EML5: variants seen among roughly 807,000 people sequenced by gnomAD.
The protein encoded by EML5 is echinoderm microtubule-associated protein-like 5.
Under a neutral mutation model 250.0 loss-of-function variants are expected in EML5, and 120 were observed. The observed-to-expected ratio is 0.48, with a 90% confidence interval of 0.41 to 0.56. The LOEUF (loss-of-function observed/expected upper bound fraction) is 0.56, where lower values mean the gene tolerates loss of function less well. Ranked by LOEUF, EML5 falls within the 20% of genes least tolerant of loss-of-function variation. EML5 has a pLI of 0.00. For synonymous variants in EML5, 771 were observed against 806.5 expected, an observed-to-expected ratio of 0.96 and a Z score of 0.75; for missense variants, 2,006 against 2,437.6, an observed-to-expected ratio of 0.82 and a Z score of 3.73.
Position 88,661,817 on chromosome 14 carries a change from G to C in EML5, c.3512C>G (p.Ala1171Gly), listed in dbSNP as rs200380112. 6.6e-5 allele frequency: 106 copies of C among 1,606,526 alleles called. No individual in the cohort carries two copies. Among genetic ancestry groups the C allele is most frequent in the South Asian group, 1.3e-4 (12 of 89,342 alleles). The stretch of plus-strand genomic sequence containing the variant: ...AAGTACACTTGTCCATGATGCCCAA[G>C]CAATTTTTTCTACCTAAAAATGAAA... ...TIPSVEVEKI[A>G]WASWTSVLGL... is the part of the protein sequence containing the mutation. The change falls in exon 25 of 44, where the codon GCT becomes GGT. Residue 1171 changes from alanine (A) to glycine (G), a missense_variant. Around this residue, in one of 7 missense-constraint regions of EML5, gnomAD observed 1,375 missense variants for 1,590.3 expected, o/e 0.86. Transcript: ENST00000554922.
intron 1 of EML5, among the ~76,000 whole-genome samples, chr14:88,782,599 G>A (rs1291484820): frequency 6.6e-6 from 1 of 152,128 alleles, no homozygotes; most frequent in Non-Finnish European, 1.5e-5. Context: ...ATACAGCCTA[G>A]AGACTTGGTG....
At chr14:88,689,401 C>T (rs1047968698) in intron 17 of EML5, among the ~76,000 whole-genome samples, 1 of 152,194 alleles carries the variant, frequency 6.6e-6, no homozygotes, top group East Asian at 1.9e-4. Context: ...TGTTGTCACA[C>T]TAGGGAATAC....
chr14:88,647,432 C>T (rs1263172550), intron 28 of EML5, among the ~76,000 whole-genome samples: 5 of 151,578 alleles, frequency 3.3e-5, no homozygotes, highest in South Asian at 4.2e-4. Flanking sequence ...CACAGTGGCT[C>T]ACACCTGTAA....
intron 24 of EML5, among the ~76,000 whole-genome samples, chr14:88,662,339 G>GTT (rs71127000): frequency 0.12 from 6,863 of 55,508 alleles, 903 homozygotes; most frequent in East Asian, 0.23. Context: ...AATTTTTCTT[G>GTT]TTTTTTTTTT....
intron 18 of EML5, among the ~76,000 whole-genome samples, chr14:88,687,805 C>A (rs868436499): frequency 6.6e-6 from 1 of 152,020 alleles, no homozygotes; most frequent in Non-Finnish European, 1.5e-5. Context: ...CTGGCTGGCA[C>A]CATGGCTCAT....
chr14:88,779,720 T>C (rs1465566908), intron 1 of EML5, among the ~76,000 whole-genome samples: 3 of 152,192 alleles, frequency 2.0e-5, no homozygotes, highest in South Asian at 2.1e-4. Context: ...CATTAATCCT[T>C]AGTTTTTATC....
chr14:88,777,703 A>T lies in EML5; in HGVS notation c.197+14604T>A, dbSNP rs189592553. The stretch of plus-strand genomic sequence containing the variant: ...TAAAAAGCAGGAGGATGGGCCGGGC[A>T]CAGTGGCTCATGCCTGTAATCCCGG... On this transcript the variant is annotated intron_variant, in intron 1 of 43. Coordinates refer to ENST00000554922, the MANE Select transcript of EML5 (RefSeq NM_183387.3). Among the ~76,000 whole-genome samples the T allele has an allele frequency of 3.5e-4, 54 of 152,370 alleles. 1 individual carries two copies. The East Asian group carries it at 9.8e-3, about 28-fold the overall frequency.
chr14:88,647,955 C>T lies in EML5; in HGVS notation c.4020-1000G>A, dbSNP rs543308622. Among the ~76,000 whole-genome samples the T allele has an allele frequency of 2.6e-5, 4 of 152,264 alleles. No homozygotes were observed. The South Asian group carries it at 8.3e-4, about 32-fold the overall frequency. The stretch of plus-strand genomic sequence containing the variant: ...CTGGAGATACTTCAAAGGAAATTGT[C>T]TAAAGAGCCTAAGTTCCACCTGTTC... On this transcript the variant is annotated intron_variant, in intron 28 of 43. Coordinates refer to ENST00000554922, the MANE Select transcript of EML5 (RefSeq NM_183387.3).
At chr14:88,675,448 T>G (rs2092571815) in intron 21 of EML5, among the ~76,000 whole-genome samples, 1 of 152,220 alleles carries the variant, frequency 6.6e-6, no homozygotes, top group African/African-American at 2.4e-5. Flanking sequence ...CTTTGGCCCC[T>G]TTTAGCTATG....
At chr14:88,730,835 G>GA (rs2093744599) in intron 7 of EML5, among the ~76,000 whole-genome samples, 3 of 152,156 alleles carry the variant, frequency 2.0e-5, no homozygotes, top group African/African-American at 7.2e-5. Flanking sequence ...AGTATGTATA[G>GA]AAAAAATGGC....
At position 88,740,384 on chromosome 14, in the gene EML5, T is replaced by TA; in HGVS notation, c.711+2dup. On this transcript the variant is annotated splice_region_variant and intron_variant, in intron 5 of 43. Transcript: ENST00000554922. ...AGTGTTTAAAATACTTAAATGTACT[T>TA]ACAGCATGGGCTCCTTGTATTGTTC... 2 of 1,604,592 alleles carry TA rather than the reference T, an allele frequency of 1.2e-6. No individual in the cohort carries two copies.
At chr14:88,665,229 AAAGTT>A (rs1001890508) in intron 22 of EML5, 103 bp downstream of exon 22, 17 of 1,261,808 alleles carry the variant, frequency 1.3e-5, no homozygotes, top group African/African-American at 3.0e-5. Flanking sequence ...TTCTAGTAAA[AAAGTT>A]AAGTTCTGAG....
chr14:88,711,435 G>A (rs1595617520), intron 10 of EML5, among the ~76,000 whole-genome samples: 1 of 89,670 alleles, frequency 1.1e-5, no homozygotes, highest in South Asian at 3.7e-4. Flanking sequence ...AAGGTGAAGG[G>A]GAAGCAAGGC....
At chr14:88,778,116 TCAAAC>T (rs1459468542) in intron 1 of EML5, among the ~76,000 whole-genome samples, 3 of 151,626 alleles carry the variant, frequency 2.0e-5, no homozygotes, top group African/African-American at 7.3e-5. Flanking sequence ...CATGGTAACC[TCAAAC>T]CAAAAGACAT....
Position 88,770,339 on chromosome 14 carries a change from G to A in EML5, c.198-15668C>T, listed in dbSNP as rs570012906. Among the ~76,000 whole-genome samples, 4 of 152,044 alleles carry A rather than the reference G, an allele frequency of 2.6e-5. No individual in the cohort carries two copies. The South Asian group carries it at 8.3e-4, about 32-fold the overall frequency. The stretch of plus-strand genomic sequence containing the variant: ...ATGCTTTTTGTGTTCTATTTCCTAT[G>A]CTTTTTCTAGAAATTTTATAGTTTT... On this transcript the variant is annotated intron_variant, in intron 1 of 43. Coordinates refer to ENST00000554922, the MANE Select transcript of EML5 (RefSeq NM_183387.3).
At chr14:88,631,996 C>A (rs534272275) in intron 33 of EML5, among the ~76,000 whole-genome samples, 117 of 152,264 alleles carry the variant, frequency 7.7e-4, no homozygotes, top group African/African-American at 2.8e-3. Flanking sequence ...CCTTATTTTT[C>A]CATCCCCAAA....
chr14:88,789,217 TAC>T (rs1441947316), intron 1 of EML5, among the ~76,000 whole-genome samples: 1 of 152,112 alleles, frequency 6.6e-6, no homozygotes, highest in African/African-American at 2.4e-5. Flanking sequence ...TTTTTATAGA[TAC>T]AGATTTTATA....
intron 32 of EML5, among the ~76,000 whole-genome samples, chr14:88,636,290 T>C (rs1476640069): frequency 1.3e-5 from 2 of 152,154 alleles, no homozygotes; most frequent in Non-Finnish European, 2.9e-5. Context: ...GGCTCCCCCA[T>C]GGAAAGCAAT....
chr14:88,738,132 C>T (rs984720325), intron 6 of EML5, among the ~76,000 whole-genome samples: 1 of 151,844 alleles, frequency 6.6e-6, no homozygotes, highest in Non-Finnish European at 1.5e-5. Context: ...CTTTAAAGCA[C>T]AATAATGTTT....
Sources: allele counts gnomAD v4.1 joint callset (sites outside exome capture counted in the v4.1 genomes callset), GRCh38; gene constraint gnomAD v4.1.1; regional missense constraint gnomAD v4.1.1; transcripts MANE v1.5; gene names NCBI Gene and HGNC (gene_info 2026-07-23, HGNC 2026-07-21).